The following SPOCK3 variants were observed in gnomAD, a reference collection of about 807,000 sequenced individuals.
SPOCK3 encodes testican-3.
A neutral mutation model predicts 56.6 loss-of-function variants in SPOCK3; 30 were observed. The ratio of observed to expected loss-of-function variants is 0.53; its 90% confidence interval spans 0.40 to 0.72. The LOEUF (loss-of-function observed/expected upper bound fraction) is 0.72. Among genes scored for constraint, SPOCK3 ranks in the 30% least tolerant of loss-of-function variants. SPOCK3 has a pLI of 0.00. For synonymous variants in SPOCK3, 196 were observed against 183.3 expected, an observed-to-expected ratio of 1.07 and a Z score of -0.56; for missense variants, 527 against 530.0, an observed-to-expected ratio of 0.99 and a Z score of 0.06.
At chr4:166,771,234 A>G (rs746923147) in intron 7 of SPOCK3, among the ~76,000 whole-genome samples, 8 of 151,830 alleles carry the variant, frequency 5.3e-5, no homozygotes, top group African/African-American at 1.4e-4. Context: ...TGAAGGGTAT[A>G]TATATAATTT....
At chr4:167,009,283 C>T (rs1007601367) in intron 3 of SPOCK3, among the ~76,000 whole-genome samples, 1 of 152,034 alleles carries the variant, frequency 6.6e-6, no homozygotes, top group Non-Finnish European at 1.5e-5. Flanking sequence ...AAAATGGGAA[C>T]TAGATTTGGG....
chr4:167,090,342 T>C (rs1758597816), intron 2 of SPOCK3, among the ~76,000 whole-genome samples: 1 of 152,136 alleles, frequency 6.6e-6, no homozygotes, highest in South Asian at 2.1e-4. Flanking sequence ...TAATGTATAG[T>C]GGTATTTCAT....
chr4:166,964,743 TA>T (rs1444172942), intron 4 of SPOCK3, among the ~76,000 whole-genome samples: 1 of 151,672 alleles, frequency 6.6e-6, no homozygotes, highest in African/African-American at 2.4e-5. Flanking sequence ...GAAAACAAAA[TA>T]AACAGCTTGA....
At chr4:166,851,542 C>T (rs907134548) in intron 6 of SPOCK3, among the ~76,000 whole-genome samples, 15 of 152,122 alleles carry the variant, frequency 9.9e-5, no homozygotes, top group Non-Finnish European at 1.9e-4. Flanking sequence ...GAAATTCAAA[C>T]CAAAGGCAAA....
chr4:166,738,829 A>T (rs1215081682), intron 9 of SPOCK3, among the ~76,000 whole-genome samples: 1 of 151,808 alleles, frequency 6.6e-6, no homozygotes, highest in Non-Finnish European at 1.5e-5. Context: ...ATAGTATTCC[A>T]TGGTGTATAT....
chr4:167,003,842 C>A (rs1438623019), intron 3 of SPOCK3, among the ~76,000 whole-genome samples: 1 of 152,150 alleles, frequency 6.6e-6, no homozygotes, highest in African/African-American at 2.4e-5. Flanking sequence ...TAAACAACTG[C>A]CATATAATGT....
chr4:166,837,318 C>A (rs1042904770), intron 6 of SPOCK3, among the ~76,000 whole-genome samples: 18 of 152,036 alleles, frequency 1.2e-4, no homozygotes, highest in African/African-American at 4.3e-4. Flanking sequence ...CCCACCAATA[C>A]CTTCTGGACT....
chr4:167,134,709 T>C (rs1762975704), intron 2 of SPOCK3, among the ~76,000 whole-genome samples: 1 of 152,192 alleles, frequency 6.6e-6, no homozygotes, highest in African/African-American at 2.4e-5. Context: ...AAAGTCGTAT[T>C]TACCATTACT....
intron 6 of SPOCK3, chr4:166,883,254 T>C (rs569877898): frequency 2.0e-5 from 3 of 152,314 alleles, no homozygotes; most frequent in South Asian, 2.1e-4. Flanking sequence ...TAGGGTTCCA[T>C]AGCACTCAGA....
chr4:166,831,367 T>C (rs1272602244), intron 6 of SPOCK3, among the ~76,000 whole-genome samples: 2 of 152,184 alleles, frequency 1.3e-5, no homozygotes, highest in East Asian at 1.9e-4. Context: ...TTTTGTTTTT[T>C]CTTAAATGTC....
intron 4 of SPOCK3, among the ~76,000 whole-genome samples, chr4:166,987,264 C>G (rs886794225): frequency 2.6e-5 from 4 of 152,088 alleles, no homozygotes; most frequent in Non-Finnish European, 5.9e-5. Flanking sequence ...AATCTCTGTT[C>G]CCTGTGTCTG....
intron 8 of SPOCK3, among the ~76,000 whole-genome samples, chr4:166,744,593 A>T (rs1375651869): frequency 6.6e-6 from 1 of 152,210 alleles, no homozygotes; most frequent in African/African-American, 2.4e-5. Flanking sequence ...AAAGGAACGC[A>T]GCTCCTCACC....
intron 2 of SPOCK3, among the ~76,000 whole-genome samples, chr4:167,158,789 C>G (rs1296405735): frequency 1.3e-5 from 2 of 151,866 alleles, no homozygotes; most frequent in Non-Finnish European, 1.5e-5. Context: ...TAATTGAAAT[C>G]TTTATAATAG....
At chr4:166,898,852 A>C (rs1179242872) in intron 5 of SPOCK3, among the ~76,000 whole-genome samples, 1 of 152,170 alleles carries the variant, frequency 6.6e-6, no homozygotes, top group Admixed American at 6.5e-5. Flanking sequence ...TAGATGGTCA[A>C]ACATTATTTC....
chr4:167,137,756 T>C (rs1241304216), intron 2 of SPOCK3, among the ~76,000 whole-genome samples: 5 of 151,862 alleles, frequency 3.3e-5, no homozygotes, highest in Non-Finnish European at 5.9e-5. Flanking sequence ...ATCACAAAAA[T>C]ATTTACTAAA....
At chr4:167,212,767 A>T (rs1735006106) in intron 2 of SPOCK3, among the ~76,000 whole-genome samples, 1 of 152,226 alleles carries the variant, frequency 6.6e-6, no homozygotes, top group South Asian at 2.1e-4. Context: ...AATTCAAAAT[A>T]CATTTAGAGT....
At chr4:167,107,342 C>G (rs1007893347) in intron 2 of SPOCK3, among the ~76,000 whole-genome samples, 3 of 151,726 alleles carry the variant, frequency 2.0e-5, no homozygotes, top group African/African-American at 4.8e-5. Context: ...ACAAAGGTGG[C>G]TCAACATACA....
At chr4:167,068,636 C>G (rs1340583725) in intron 2 of SPOCK3, among the ~76,000 whole-genome samples, 1 of 151,796 alleles carries the variant, frequency 6.6e-6, no homozygotes, top group Non-Finnish European at 1.5e-5. Flanking sequence ...CCCTTGACTT[C>G]TGATGCCAAA....
chr4:166,769,615 A>G (rs886429265), intron 7 of SPOCK3, among the ~76,000 whole-genome samples: 2 of 152,100 alleles, frequency 1.3e-5, no homozygotes, highest in African/African-American at 4.8e-5. Flanking sequence ...GGTGCCTCCC[A>G]GTTAGGCTAC....
Sources: allele counts gnomAD v4.1 joint callset (sites outside exome capture counted in the v4.1 genomes callset), GRCh38; gene constraint gnomAD v4.1.1; transcripts MANE v1.5; gene names NCBI Gene and HGNC (gene_info 2026-07-23, HGNC 2026-07-21).